Variants in SELENON observed in about 807,000 individuals in gnomAD.
SELENON encodes the protein selenoprotein N.
A neutral mutation model predicts 59.5 loss-of-function variants in SELENON; 44 were observed. The observed-to-expected ratio is 0.74, with a 90% CI of 0.58 to 0.95. The LOEUF is 0.95. Among genes scored for constraint, SELENON ranks in the 40% least tolerant of loss-of-function variants. SELENON has a pLI of 0.00. For missense variants in SELENON, 674 were observed against 721.4 expected (o/e 0.93, Z 0.75); for synonymous variants, 320 against 305.6 (o/e 1.05, Z -0.49).
intron 4 of SELENON, among the ~76,000 whole-genome samples, chr1:25,806,756 T>A (rs548990158): frequency 6.6e-6 from 1 of 151,094 alleles, no homozygotes; most frequent in Non-Finnish European, 1.5e-5. Flanking sequence ...ACCTTGAGGC[T>A]GGCACCTGTG....
At chr1:25,811,660 G>A in intron 8 of SELENON, 31 bp from the exon 8 acceptor site, 1 of 1,611,906 alleles carries the variant, frequency 6.2e-7, no homozygotes, top group Non-Finnish European at 8.5e-7. Context: ...CCATCTCTGA[G>A]CCTTCCCCCT....
At chr1:25,813,342 C>T (rs553177505) in intron 10 of SELENON, among the ~76,000 whole-genome samples, 4 of 152,282 alleles carry the variant, frequency 2.6e-5, no homozygotes, top group African/African-American at 9.6e-5. Flanking sequence ...TGCTTGCGTC[C>T]CACAGTGAGG....
At chr1:25,813,151 T>G (rs1035935647) in intron 10 of SELENON, among the ~76,000 whole-genome samples, 1 of 152,144 alleles carries the variant, frequency 6.6e-6, no homozygotes, top group Non-Finnish European at 1.5e-5. Flanking sequence ...CACTGTAAAG[T>G]GTTATATACG....
At chr1:25,813,484 T>G in intron 10 of SELENON, 1 of 353,856 alleles carries the variant, frequency 2.8e-6, no homozygotes, top group East Asian at 7.4e-5. Context: ...TAACTGGGGG[T>G]CAGGGAAGGC....
At chr1:25,810,978 C>G (rs1437947980) in intron 7 of SELENON, among the ~76,000 whole-genome samples, 3 of 152,198 alleles carry the variant, frequency 2.0e-5, no homozygotes, top group African/African-American at 7.2e-5. Flanking sequence ...CTCTGTGCCC[C>G]CTGCTGCGGA....
chr1:25,805,368 TGCCCACTAGAGCCAG>T lies in SELENON; in HGVS notation c.537+98_537+112del, dbSNP rs376287653. 1.4e-4 allele frequency: 221 copies of T among 1,564,272 alleles called. 1 individual carries two copies. In the African/African-American group the frequency reaches 2.6e-3, roughly 18 times the overall value. ...ATCCATCTTTCCTCTGCCCTCTGTG[TGCCCACTAGAGCCAG>T]GCCCTGGAGGTCCATGTGCGGTGAT... On this transcript the variant is annotated intron_variant, in intron 4 of 12. Coordinates refer to ENST00000361547, the MANE Select transcript of SELENON (RefSeq NM_020451.3).
intron 3 of SELENON, among the ~76,000 whole-genome samples, chr1:25,802,831 T>G (rs1348700371): frequency 6.6e-6 from 1 of 152,246 alleles, no homozygotes; most frequent in Non-Finnish European, 1.5e-5. Flanking sequence ...GTGACGTTTC[T>G]TGAACTTAGG....
intron 7 of SELENON, among the ~76,000 whole-genome samples, chr1:25,810,405 C>T (rs560800132): frequency 6.6e-6 from 1 of 152,234 alleles, no homozygotes; most frequent in Non-Finnish European, 1.5e-5. Flanking sequence ...GAGTAGAGGA[C>T]CCCGGAGGCC....
chr1:25,814,456 G>C (rs747110062), intron 12 of SELENON, among the ~76,000 whole-genome samples: 1 of 152,230 alleles, frequency 6.6e-6, no homozygotes, highest in Non-Finnish European at 1.5e-5. Flanking sequence ...CAGCCTGGAA[G>C]GGAAGGCTCA....
chr1:25,812,220 C>T (rs2047967312), intron 9 of SELENON, among the ~76,000 whole-genome samples: 1 of 151,934 alleles, frequency 6.6e-6, no homozygotes, highest in African/African-American at 2.4e-5. Context: ...GTAGCACGCA[C>T]CTGTAGTACC....
chr1:25,801,126 T>C lies in SELENON; in HGVS notation c.267T>C (p.Pro89=), dbSNP rs369748258. The change falls in exon 2 of 13, where the codon CCT becomes CCC. Residue 89 remains proline (P), a synonymous_variant. Coordinates refer to ENST00000361547, the MANE Select transcript of SELENON (RefSeq NM_020451.3). Reference sequence around the variant, plus strand: ...CTGACGGGGATATGTACATCAGCCCTGAGGAGTTCAAACCCATTGCTGAGA... The same window carrying C: ...CTGACGGGGATATGTACATCAGCCCCGAGGAGTTCAAACCCATTGCTGAGA... The C allele has an allele frequency of 1.9e-6, 3 of 1,614,114 alleles. No individual in the cohort carries two copies. The highest frequency in any genetic ancestry group is 2.5e-6 in the Non-Finnish European group (3 of 1,179,984).
Position 25,812,715 on chromosome 1 carries a change from T to G in SELENON, c.1310T>G (p.Phe437Cys). 1 of 1,612,676 alleles carries G rather than the reference T, an allele frequency of 6.2e-7. No individual in the cohort carries two copies. Among genetic ancestry groups the G allele is most frequent in the Non-Finnish European group, 8.5e-7 (1 of 1,179,756 alleles). Residue 437 changes from phenylalanine to cysteine, a missense_variant, in exon 10 of 13, where the codon TTC becomes TGC. Coordinates refer to ENST00000361547, the MANE Select transcript of SELENON (RefSeq NM_020451.3). ...TCCTACTTGCCGTTCACTGAGGCCT[T>G]CGACCGAGCCAAGGCTGAGAACAAG... is the stretch of plus-strand genomic sequence containing the variant.
chr1:25,809,043 C>T lies in SELENON; in HGVS notation c.765C>T (p.Leu255=), dbSNP rs1353093421. The T allele has an allele frequency of 1.2e-6, 2 of 1,613,654 alleles. No individual in the cohort carries two copies. ...GCCCCCAGGTCATCATCCACCGGCT[C>T]CTGAGCATGTTCCACCCTCGGCCCT... The change falls in exon 6 of 13, where the codon CTC becomes CTT. Residue 255 remains leucine (L), a synonymous_variant. Coordinates refer to ENST00000361547, the MANE Select transcript of SELENON (RefSeq NM_020451.3).
chr1:25,814,440 G>C (rs1572237293), intron 12 of SELENON, among the ~76,000 whole-genome samples: 1 of 152,308 alleles, frequency 6.6e-6, no homozygotes, highest in South Asian at 2.1e-4. Context: ...CGCCTCCCTA[G>C]AAACACAGCC....
intron 6 of SELENON, 49 bp from the exon 6 acceptor site, chr1:25,809,634 C>T: frequency 6.2e-7 from 1 of 1,610,212 alleles, no homozygotes; most frequent in Non-Finnish European, 8.5e-7. Flanking sequence ...TCCCGGGCTC[C>T]TGGGGAGAAG....
At chr1:25,814,015 A>G (rs2047988516) in intron 11 of SELENON, 22 bp downstream of exon 10, 2 of 1,612,276 alleles carry the variant, frequency 1.2e-6, no homozygotes, top group African/African-American at 1.3e-5. Context: ...GGTGGCAGGA[A>G]CAGGAGCGTC....
At chr1:25,808,376 G>A (rs2047926487) in intron 4 of SELENON, among the ~76,000 whole-genome samples, 1 of 147,428 alleles carries the variant, frequency 6.8e-6, no homozygotes, top group Non-Finnish European at 1.5e-5. Flanking sequence ...GGGCTGCAGA[G>A]GCACTGCAGC....
rs1476460659 is a variant in SELENON at position 25,801,157 on chromosome 1, A to G, written c.298A>G (p.Thr100Ala). ...GTTCAAACCCATTGCTGAGAAGCTA[A>G]CAGGTACCAGGAGAGACTGGCGGCT... The change falls in exon 2 of 13, where the codon ACA becomes GCA. Residue 100 changes from threonine to alanine, a missense_variant. Physicochemically the swap from Thr to Ala is moderately conservative, Grantham distance 58. Transcript: ENST00000361547. 2 of 1,612,902 alleles carry G rather than the reference A, an allele frequency of 1.2e-6. No individual in the cohort carries two copies. Among genetic ancestry groups the G allele is most frequent in the South Asian group, 2.2e-5 (2 of 91,064 alleles).
At chr1:25,802,126 G>GACCACAGGCATGTGCT (rs2047866274) in intron 3 of SELENON, 3 of 252,036 alleles carry the variant, frequency 1.2e-5, no homozygotes, top group African/African-American at 7.0e-5. Flanking sequence ...GAGTAAGTGG[G>GACCACAGGCATGTGCT]ACCACAGGCA....
Sources: allele counts gnomAD v4.1 joint callset (sites outside exome capture counted in the v4.1 genomes callset), GRCh38; gene constraint gnomAD v4.1.1; transcripts MANE v1.5; gene names NCBI Gene and HGNC (gene_info 2026-07-23, HGNC 2026-07-21).